Variants in ZNF875 observed in about 807,000 individuals in gnomAD.
ZNF875 encodes HKR1, GLI-Kruppel zinc finger family member.
ZNF875 carries 14 observed loss-of-function variants against 11.2 expected under a neutral mutation model. The ratio of observed to expected loss-of-function variants is 1.26; its 90% confidence interval spans 0.83 to 1.96. The LOEUF is 1.96. ZNF875 is among the 30% of genes most tolerant of loss of function. The pLI, the probability that ZNF875 is intolerant of heterozygous loss-of-function variation, is 0.00. For synonymous variants in ZNF875, 301 were observed against 281.1 expected (o/e 1.07, Z -0.71); for missense variants, 752 against 760.4 (o/e 0.99, Z 0.13).
rs12979439 is a variant in ZNF875, at chr19:37,359,158, C to T, written c.257-2951C>T. On this transcript the variant is annotated intron_variant, in intron 4 of 4. Coordinates refer to ENST00000392153, the MANE Select transcript of ZNF875 (RefSeq NM_001353803.2). ...CAGGTGATCCGCCACCTCAGCCTTC[C>T]AAAGTGCTGGGATTACAGGCGTGAA... 3.8e-3 allele frequency among the ~76,000 whole-genome samples: 586 copies of T among 152,302 alleles called. 2 individuals are homozygous for T. The highest frequency in any genetic ancestry group is 6.3e-3 in the Non-Finnish European group (431 of 68,026).
intron 2 of ZNF875, chr19:37,337,607 C>A (rs956934583): frequency 6.6e-6 from 1 of 151,916 alleles, no homozygotes; most frequent in Non-Finnish European, 1.5e-5. Flanking sequence ...CCAGGCCCAG[C>A]TAATCTTTTG....
At position 37,362,880 on chromosome 19, in the gene ZNF875, G is replaced by A; in HGVS notation, c.1028G>A (p.Cys343Tyr). Residue 343 changes from cysteine to tyrosine, a missense_variant, in exon 5 of 5, where the codon TGT becomes TAT. Transcript: ENST00000392153. ...SGLKPYVCKE[C>Y]GQSFSLKSNL... is the part of the protein sequence containing the mutation. ...CTCAAGCCTTATGTGTGCAAGGAAT[G>A]TGGGCAGAGCTTTAGCCTGAAGTCA... is the stretch of plus-strand genomic sequence containing the variant. 6.2e-7 allele frequency: 1 copy of A among 1,614,202 alleles called. No individual in the cohort carries two copies. The highest frequency in any genetic ancestry group is 8.5e-7 in the Non-Finnish European group (1 of 1,180,044).
chr19:37,351,009 G>A (rs1377050521), intron 4 of ZNF875, among the ~76,000 whole-genome samples: 1 of 151,496 alleles, frequency 6.6e-6, no homozygotes, highest in Admixed American at 6.6e-5. Context: ...TCACCATGTT[G>A]GCCAACCTAG....
chr19:37,320,665 C>T (rs2031235308), intron 1 of ZNF875, among the ~76,000 whole-genome samples: 1 of 152,160 alleles, frequency 6.6e-6, no homozygotes, highest in Non-Finnish European at 1.5e-5. Context: ...GGGTCTGGAA[C>T]CATCTGGAGG....
At chr19:37,350,211 A>G (rs1487207855) in intron 4 of ZNF875, among the ~76,000 whole-genome samples, 1 of 146,664 alleles carries the variant, frequency 6.8e-6, no homozygotes, top group Non-Finnish European at 1.5e-5. Flanking sequence ...TATCAGGTTC[A>G]AGCAATTCTC....
upstream of ZNF875, chr19:37,315,170 A>G (rs1429271064): frequency 6.6e-6 from 1 of 152,224 alleles, no homozygotes; most frequent in African/African-American, 2.4e-5. Context: ...TTCACTTAGC[A>G]TCATATTTTC....
At chr19:37,330,877 A>T (rs2033264295), upstream of ZNF875, among the ~76,000 whole-genome samples, 1 of 152,044 alleles carries the variant, frequency 6.6e-6, no homozygotes. Flanking sequence ...TCAAATTAGA[A>T]GTTTCTTCTA....
chr19:37,352,141 TA>T (rs1478318302), intron 4 of ZNF875, among the ~76,000 whole-genome samples: 1 of 152,194 alleles, frequency 6.6e-6, no homozygotes, highest in Non-Finnish European at 1.5e-5. Context: ...TTTTTATCAT[TA>T]TGGAATTTCC....
chr19:37,358,337 TG>T (rs2039299051), intron 4 of ZNF875, among the ~76,000 whole-genome samples: 1 of 151,144 alleles, frequency 6.6e-6, no homozygotes, highest in African/African-American at 2.4e-5. Flanking sequence ...TTAGTAGAGA[TG>T]GGGTTTCACC....
chr19:37,319,366 T>TATATATATATATATATATGC (rs2030866748), intron 1 of ZNF875, among the ~76,000 whole-genome samples: 3 of 145,136 alleles, frequency 2.1e-5, no homozygotes, highest in African/African-American at 7.7e-5. Flanking sequence ...TATATATATA[T>TATATATATATATATATATGC]ATAATAAAAA....
chr19:37,322,601 A>G (rs1349072610), intron 2 of ZNF875, among the ~76,000 whole-genome samples: 4 of 152,166 alleles, frequency 2.6e-5, no homozygotes, highest in South Asian at 2.1e-4. Context: ...ACTACTCTGT[A>G]TATTTGATTC....
chr19:37,341,530 C>T (rs560929746), intron 2 of ZNF875, among the ~76,000 whole-genome samples: 7 of 152,086 alleles, frequency 4.6e-5, no homozygotes, highest in African/African-American at 9.7e-5. Flanking sequence ...GTAGTTTTAA[C>T]GTTTTGGCTT....
intron 4 of ZNF875, among the ~76,000 whole-genome samples, chr19:37,360,248 A>G (rs1034550901): frequency 6.6e-6 from 1 of 152,188 alleles, no homozygotes; most frequent in Non-Finnish European, 1.5e-5. Flanking sequence ...CTAAGTGTTC[A>G]TTTCTAGTCT....
At chr19:37,328,908 T>C (rs904795519) in intron 4 of ZNF875, 1 of 152,210 alleles carries the variant, frequency 6.6e-6, no homozygotes, top group African/African-American at 2.4e-5. Flanking sequence ...TCCCCTAATC[T>C]GATGTTAAAT....
intron 4 of ZNF875, among the ~76,000 whole-genome samples, chr19:37,326,928 A>T (rs956499241): frequency 6.6e-6 from 1 of 151,980 alleles, no homozygotes; most frequent in African/African-American, 2.4e-5. Context: ...TCAGCCTCCC[A>T]AAGTGCTGGG....
chr19:37,328,663 T>C (rs1454610428), intron 4 of ZNF875: 2 of 152,198 alleles, frequency 1.3e-5, no homozygotes, highest in African/African-American at 4.8e-5. Context: ...TGAACCCTTA[T>C]AAATCACCCA....
At chr19:37,339,842 G>A (rs2035316529) in intron 2 of ZNF875, among the ~76,000 whole-genome samples, 1 of 152,008 alleles carries the variant, frequency 6.6e-6, no homozygotes, top group South Asian at 2.1e-4. Context: ...TGGAATTACA[G>A]GCATGAGCAC....
At chr19:37,347,985 G>GA in intron 4 of ZNF875, 113 bp downstream of exon 4, 1 of 653,786 alleles carries the variant, frequency 1.5e-6, no homozygotes, top group Non-Finnish European at 2.8e-6. Context: ...TAAGCCAAGA[G>GA]AAACGTTGCC....
chr19:37,339,088 A>G (rs182710640), intron 2 of ZNF875, among the ~76,000 whole-genome samples: 3 of 152,224 alleles, frequency 2.0e-5, no homozygotes, highest in African/African-American at 7.2e-5. Flanking sequence ...TCAGTAGATT[A>G]CAGTTAATGA....
Sources: gnomAD v4.1 joint callset for allele counts (sites outside exome capture counted in the v4.1 genomes callset) on GRCh38, gnomAD v4.1.1 for gene constraint, MANE v1.5 for transcripts, NCBI Gene and HGNC (gene_info 2026-07-23, HGNC 2026-07-21) for gene names.